Variants in MREG observed in about 807,000 individuals in gnomAD.
MREG encodes the protein melanoregulin.
MREG carries 31 observed loss-of-function variants against 28.5 expected under a neutral mutation model. The ratio of observed to expected loss-of-function variants is 1.09; its 90% CI spans 0.82 to 1.47. The LOEUF is 1.47. Ranked by LOEUF, MREG falls within the 40% of genes most tolerant of loss-of-function variation. The probability of loss-of-function intolerance (pLI) is 0.00; values close to 1 mark genes in which losing one functional copy is unlikely to be tolerated. For missense variants in MREG, 256 were observed against 257.4 expected, an observed-to-expected ratio of 0.99 and a Z score of 0.04; for synonymous variants, 106 against 95.2, an observed-to-expected ratio of 1.11 and a Z score of -0.66.
At chr2:215,981,726 A>G (rs1693432903) in intron 2 of MREG, among the ~76,000 whole-genome samples, 2 of 152,214 alleles carry the variant, frequency 1.3e-5, no homozygotes, top group African/African-American at 4.8e-5. Flanking sequence ...TTGGCCTGGA[A>G]TACTTAATAT....
intron 1 of MREG, among the ~76,000 whole-genome samples, chr2:216,025,622 A>G (rs1694584151): frequency 6.6e-6 from 1 of 152,222 alleles, no homozygotes; most frequent in Admixed American, 6.5e-5. Flanking sequence ...CTCCATGACA[A>G]TCAGTCTTTG....
chr2:215,973,073 C>T (rs2105991932), intron 2 of MREG, among the ~76,000 whole-genome samples: 1 of 152,248 alleles, frequency 6.6e-6, no homozygotes, highest in African/African-American at 2.4e-5. Flanking sequence ...AAAAGGGGCA[C>T]AGCCAGAGGA....
At chr2:216,028,759 G>C (rs1465706462) in intron 1 of MREG, among the ~76,000 whole-genome samples, 3 of 151,950 alleles carry the variant, frequency 2.0e-5, no homozygotes, top group African/African-American at 7.3e-5. Context: ...ATGCATATTT[G>C]AATTTATCTT....
intron 1 of MREG, among the ~76,000 whole-genome samples, chr2:216,000,819 A>G (rs1693996926): frequency 6.6e-6 from 1 of 152,226 alleles, no homozygotes; most frequent in African/African-American, 2.4e-5. Context: ...CTAAAGCAGG[A>G]GCTTTAGAAA....
chr2:216,021,777 G>A (rs570289493), intron 1 of MREG, among the ~76,000 whole-genome samples: 31 of 152,318 alleles, frequency 2.0e-4, no homozygotes, highest in African/African-American at 5.8e-4. Flanking sequence ...CTGCGTAAAC[G>A]TTAGCTGCAA....
intron 2 of MREG, among the ~76,000 whole-genome samples, chr2:215,968,448 C>T (rs2105987348): frequency 6.6e-6 from 1 of 152,254 alleles, no homozygotes; most frequent in South Asian, 2.1e-4. Context: ...CTGCCTGGCC[C>T]CACCCAAAGC....
In MREG at chr2:215,967,772, G is replaced by A. The variant is rs780934915; in HGVS notation, c.256-20659C>T. On this transcript the variant is annotated intron_variant, in intron 2 of 4. Transcript: ENST00000263268. ...AGTCAGTATGTAACCTCATGGGCAC[G>A]ACTGTGTTCCAATAAAACTTTATTT... is the stretch of plus-strand genomic sequence containing the variant. Among the ~76,000 whole-genome samples the A allele has an allele frequency of 5.9e-5, 9 of 152,276 alleles. No homozygotes were observed. In the East Asian group the frequency reaches 1.5e-3, roughly 26 times the overall value.
intron 1 of MREG, among the ~76,000 whole-genome samples, chr2:216,024,066 T>C (rs1694560717): frequency 6.6e-6 from 1 of 152,172 alleles, no homozygotes. Flanking sequence ...TTGAATCACT[T>C]TGTGGAGCTG....
intron 2 of MREG, among the ~76,000 whole-genome samples, chr2:215,992,551 GA>G (rs1316529142): frequency 3.9e-5 from 6 of 152,152 alleles, no homozygotes; most frequent in African/African-American, 1.2e-4. Context: ...CATAGTATTG[GA>G]AGTTCTGGCC....
intron 1 of MREG, among the ~76,000 whole-genome samples, chr2:216,009,918 T>A (rs992355263): frequency 2.0e-5 from 3 of 152,178 alleles, no homozygotes; most frequent in African/African-American, 7.2e-5. Flanking sequence ...TAATTACCAA[T>A]GCTTTGGGCT....
intron 2 of MREG, among the ~76,000 whole-genome samples, chr2:215,994,708 C>T (rs900279179): frequency 2.7e-5 from 4 of 149,710 alleles, no homozygotes; most frequent in African/African-American, 1.0e-4. Context: ...ACACAATGGG[C>T]CACTTTAGAA....
At chr2:215,982,860 C>T (rs1270771747) in intron 2 of MREG, among the ~76,000 whole-genome samples, 1 of 152,054 alleles carries the variant, frequency 6.6e-6, no homozygotes, top group Non-Finnish European at 1.5e-5. Flanking sequence ...ATAGGGTTAC[C>T]GTGAGGATTC....
chr2:215,986,713 C>A (rs956212896), intron 2 of MREG, among the ~76,000 whole-genome samples: 2 of 152,188 alleles, frequency 1.3e-5, no homozygotes, highest in Non-Finnish European at 2.9e-5. Context: ...AGTTCCCCTG[C>A]ACAAGTTCTC....
At chr2:215,961,863 C>A (rs1013216314) in intron 2 of MREG, among the ~76,000 whole-genome samples, 6 of 152,124 alleles carry the variant, frequency 3.9e-5, no homozygotes, top group Admixed American at 1.3e-4. Context: ...AAGTTCCCAC[C>A]CCAGATGCTC....
At chr2:215,946,348 G>A (rs1559172546) in intron 3 of MREG, among the ~76,000 whole-genome samples, 1 of 151,188 alleles carries the variant, frequency 6.6e-6, no homozygotes, top group Admixed American at 6.7e-5. Flanking sequence ...CGGTCACATG[G>A]CCCCCCACGC....
intron 2 of MREG, among the ~76,000 whole-genome samples, chr2:215,970,610 AC>A (rs1379966895): frequency 2.0e-5 from 3 of 152,186 alleles, no homozygotes; most frequent in Non-Finnish European, 4.4e-5. Flanking sequence ...CAGCAGGGAA[AC>A]AGCATGAGCT....
chr2:215,986,849 TG>T (rs1197648713), intron 2 of MREG, among the ~76,000 whole-genome samples: 1 of 152,232 alleles, frequency 6.6e-6, no homozygotes, highest in African/African-American at 2.4e-5. Flanking sequence ...TACCCAGTCT[TG>T]GGTATGTCTT....
chr2:215,953,531 A>G (rs577012521), intron 2 of MREG, among the ~76,000 whole-genome samples: 30 of 152,380 alleles, frequency 2.0e-4, no homozygotes, highest in Admixed American at 1.8e-3. Flanking sequence ...TGGAGCAATC[A>G]GGAATGGTGT....
intron 2 of MREG, among the ~76,000 whole-genome samples, chr2:215,954,706 A>ATT (rs776870197): frequency 4.1e-5 from 6 of 144,956 alleles, no homozygotes; most frequent in African/African-American, 1.3e-4. Flanking sequence ...TCACTATTTT[A>ATT]TTTTTTTTTT....
Sources: allele counts gnomAD v4.1 joint callset (sites outside exome capture counted in the v4.1 genomes callset), GRCh38; gene constraint gnomAD v4.1.1; transcripts MANE v1.5; gene names NCBI Gene and HGNC (gene_info 2026-07-23, HGNC 2026-07-21).